Variants in CNTRL observed in about 807,000 individuals in gnomAD.
CNTRL encodes the protein 110 kDa centrosomal protein.
Under a neutral mutation model 303.7 loss-of-function variants are expected in CNTRL, and 233 were observed. The ratio of observed to expected loss-of-function variants is 0.77; its 90% confidence interval spans 0.69 to 0.86. CNTRL has a LOEUF of 0.86. Ranked by LOEUF, CNTRL falls within the 40% of genes least tolerant of loss-of-function variation. The pLI is 0.00. For missense variants in CNTRL, 2,524 were observed against 2,650.6 expected (o/e 0.95, Z 1.05); for synonymous variants, 900 against 922.2 (o/e 0.98, Z 0.44).
rs1588222883 is a variant in CNTRL, at chr9:121,138,457, G to A, written c.2203-88G>A. The A allele has an allele frequency of 6.1e-6, 8 of 1,313,986 alleles. No homozygotes were observed. The East Asian group carries it at 1.2e-4, about 20-fold the overall frequency. 81.4% of individuals were successfully genotyped at this position (1,313,986 alleles called of 1,614,324 possible). On this transcript the variant is annotated intron_variant, in intron 15 of 43. Coordinates refer to ENST00000373855, the MANE Select transcript of CNTRL (RefSeq NM_007018.6). ...GTAAAACTATAGCTAGCAAGGGATT[G>A]TGTGTATATGTAAATTTATTTGTGC...
chr9:121,093,393 C>T (rs1222795149), intron 4 of CNTRL, among the ~76,000 whole-genome samples: 1 of 152,186 alleles, frequency 6.6e-6, no homozygotes, highest in Non-Finnish European at 1.5e-5. Context: ...GGAAAATGCT[C>T]ATTTGAGCAT....
At chr9:121,113,470 A>G in intron 9 of CNTRL, 32 bp from the exon 10 acceptor site, 1 of 1,276,086 alleles carries the variant, frequency 7.8e-7, no homozygotes, top group Non-Finnish European at 1.1e-6. Flanking sequence ...GAGATCACTT[A>G]TTAAACCATA....
intron 43 of CNTRL, among the ~76,000 whole-genome samples, chr9:121,176,281 A>G (rs2053520703): frequency 6.6e-6 from 1 of 152,246 alleles, no homozygotes. Context: ...ACAGAGCAGT[A>G]TATTTTAATG....
Position 121,148,825 on chromosome 9 carries a change from A to G in CNTRL, c.3613A>G (p.Ile1205Val). The G allele has an allele frequency of 6.2e-7, 1 of 1,613,802 alleles. No individual in the cohort carries two copies. Among genetic ancestry groups the G allele is most frequent in the East Asian group, 2.2e-5 (1 of 44,882 alleles). Residue 1205 changes from isoleucine to valine, a missense_variant, in exon 24 of 44, where the codon ATC becomes GTC. By Grantham distance (29) the Ile-to-Val change is conservative. Coordinates refer to ENST00000373855, the MANE Select transcript of CNTRL (RefSeq NM_007018.6). ...PASGYWVYSP[I>V]RSGLHKLFPS... is the part of the protein sequence containing the mutation. ...CTCAGGATACTGGGTTTATTCTCCC[A>G]TCAGGAGTGGGTTACATAAACTGTT...
At position 121,090,333 on chromosome 9, in the gene CNTRL, T is replaced by C. The variant is rs144423052; in HGVS notation, c.276T>C (p.Thr92=). The change falls in exon 4 of 44, where the codon ACT becomes ACC. Residue 92 remains threonine, a synonymous_variant. Coordinates refer to ENST00000373855, the MANE Select transcript of CNTRL (RefSeq NM_007018.6). The stretch of plus-strand genomic sequence containing the variant: ...CAGAGGCCCTCATTAAAAAACTTAC[T>C]AAACAGGATAATTTGGCTTTGATAA... ...YITEALIKKL[T]KQDNLALIKS... is the part of the protein sequence containing the mutation. 1 of 1,612,820 alleles carries C rather than the reference T, an allele frequency of 6.2e-7. No homozygotes were observed.
At position 121,075,032 on chromosome 9, in the gene CNTRL, T is replaced by G; in HGVS notation, c.-240T>G. On this transcript the variant is annotated 5_prime_UTR_variant, in exon 1 of 44. Transcript: ENST00000373855. ...GAGCCCGAACTTCTCCCGCTCTACC[T>G]CAGCCTGCGGGACTGCTCGGCTCGG... The G allele has an allele frequency of 2.2e-6, 1 of 450,074 alleles. No homozygotes were observed. The highest frequency in any genetic ancestry group is 1.6e-5 in the South Asian group (1 of 63,982). The allele number at this position is 450,074 out of a possible 1,614,324, so 27.9% of individuals were successfully genotyped here. A position where few individuals can be genotyped will look rare whatever the true frequency, so the allele number is the denominator to read the frequency against.
rs777580152 is a variant in CNTRL at position 121,112,519 on chromosome 9, G to A, written c.1063G>A (p.Glu355Lys). The A allele has an allele frequency of 3.1e-6, 5 of 1,612,446 alleles. No individual in the cohort carries two copies. Among genetic ancestry groups the A allele is most frequent in the Non-Finnish European group, 4.2e-6 (5 of 1,178,794 alleles). The change falls in exon 9 of 44, where the codon GAA becomes AAA. Residue 355 changes from glutamate (E) to lysine (K), a missense_variant. By Grantham distance (56) the Glu-to-Lys change is moderately conservative (BLOSUM62 1). Transcript: ENST00000373855. ...TCAGAAGCAATATGAGCTGGAACAG[G>A]AATTGGCCTTTTATAAAATTGATGC... ...ACQKQYELEQ[E>K]LAFYKIDAKF...
chr9:121,166,920 C>T (rs992925987), intron 36 of CNTRL, among the ~76,000 whole-genome samples: 3 of 151,992 alleles, frequency 2.0e-5, no homozygotes, highest in African/African-American at 7.3e-5. Flanking sequence ...ACTCGGGAGG[C>T]TGAGGCAGGA....
chr9:121,165,146 C>A (rs750723465), intron 35 of CNTRL, 46 bp downstream of exon 35: 1 of 1,492,290 alleles, frequency 6.7e-7, no homozygotes, highest in Non-Finnish European at 8.9e-7. Flanking sequence ...CCTTGCCCTT[C>A]GTTAGATTCT....
rs1232470097 is a variant in CNTRL, at chr9:121,146,561, G to A, written c.3459+305G>A. Among the ~76,000 whole-genome samples, 9 of 152,180 alleles carry A rather than the reference G, an allele frequency of 5.9e-5. No homozygotes were observed. In the South Asian group the frequency reaches 8.3e-4, roughly 14 times the overall value. ...GGACATAGAATTGTGCAGAGCCTCC[G>A]ACAGAAAAAAAGGCACCTGGATTTC... On this transcript the variant is annotated intron_variant, in intron 23 of 43. Coordinates refer to ENST00000373855, the MANE Select transcript of CNTRL (RefSeq NM_007018.6).
Position 121,168,252 on chromosome 9 carries a change from G to C in CNTRL, c.6001G>C (p.Glu2001Gln). 1 of 1,614,166 alleles carries C rather than the reference G, an allele frequency of 6.2e-7. No homozygotes were observed. The highest frequency in any genetic ancestry group is 8.5e-7 in the Non-Finnish European group (1 of 1,180,012). ...GCTCTCAAAGGTGCTGGCAGCTGAA[G>C]AGCGTGTTAGGACTCTGCAGGAAGA... ...QVLSKVLAAE[E>Q]RVRTLQEEER... The change falls in exon 38 of 44, where the codon GAG (glutamate) becomes CAG (glutamine). Residue 2001 changes from glutamate to glutamine, a missense_variant. Transcript: ENST00000373855.
Position 121,177,159 on chromosome 9 carries a change from G to T in CNTRL, c.6955-4G>T. The T allele has an allele frequency of 6.2e-7, 1 of 1,610,204 alleles. No homozygotes were observed. On this transcript the variant is annotated splice_polypyrimidine_tract_variant and splice_region_variant and intron_variant, in intron 43 of 43. Coordinates refer to ENST00000373855, the MANE Select transcript of CNTRL (RefSeq NM_007018.6). ...GATTTATCCTTCCTTTTGTCTTACT[G>T]TAGGAAAAGAATGCCTCAGCCAGAT...
At chr9:121,153,983 G>A (rs1032006621) in intron 26 of CNTRL, among the ~76,000 whole-genome samples, 1 of 152,122 alleles carries the variant, frequency 6.6e-6, no homozygotes. Flanking sequence ...TTACTTTGAG[G>A]TATTTTGGAG....
At position 121,154,921 on chromosome 9, in the gene CNTRL, T is replaced by A; in HGVS notation, c.4365+8T>A. 1.2e-6 allele frequency: 2 copies of A among 1,613,722 alleles called. No homozygotes were observed. Among genetic ancestry groups the A allele is most frequent in the South Asian group, 2.2e-5 (2 of 91,044 alleles). On this transcript the variant is annotated splice_region_variant and intron_variant, in intron 27 of 43. Transcript: ENST00000373855. ...TCATGCACTAAAGAAAAGGTTTGTC[T>A]TCTTGTGGTTTGGGGTGTGAGCTCA...
chr9:121,158,691 T>G, intron 30 of CNTRL, 164 bp from the exon 31 acceptor site: 1 of 640,502 alleles, frequency 1.6e-6, no homozygotes, highest in Non-Finnish European at 2.7e-6. Flanking sequence ...GAGCTCAAGG[T>G]TTTCATTAGG....
intron 8 of CNTRL, among the ~76,000 whole-genome samples, chr9:121,111,613 A>G (rs1378544800): frequency 6.6e-6 from 1 of 152,160 alleles, no homozygotes; most frequent in Non-Finnish European, 1.5e-5. Context: ...AAAAAGACAA[A>G]AATCACTTAG....
At chr9:121,129,183 C>A (rs978985813) in intron 14 of CNTRL, among the ~76,000 whole-genome samples, 4 of 152,142 alleles carry the variant, frequency 2.6e-5, no homozygotes, top group African/African-American at 9.7e-5. Flanking sequence ...TGAAGAAAGT[C>A]ATTGGTAGCT....
At chr9:121,136,854 G>A (rs1564255837) in intron 15 of CNTRL, among the ~76,000 whole-genome samples, 1 of 152,176 alleles carries the variant, frequency 6.6e-6, no homozygotes, top group Non-Finnish European at 1.5e-5. Flanking sequence ...AAACAGGTAT[G>A]GAAGAAAGAA....
intron 34 of CNTRL, among the ~76,000 whole-genome samples, chr9:121,163,551 C>G (rs2052952826): frequency 1.3e-5 from 2 of 151,764 alleles, no homozygotes; most frequent in African/African-American, 4.8e-5. Flanking sequence ...CCTCAAAAGA[C>G]ACAAGGTAAT....
Sources: gnomAD v4.1 joint callset for allele counts (sites outside exome capture counted in the v4.1 genomes callset) on GRCh38, gnomAD v4.1.1 for gene constraint, MANE v1.5 for transcripts, NCBI Gene and HGNC (gene_info 2026-07-23, HGNC 2026-07-21) for gene names.